Variants in ASAH2B observed in about 807,000 individuals in gnomAD.
ASAH2B encodes the protein putative inactive neutral ceramidase B.
In ASAH2B, 1 loss-of-function variant was observed where a neutral mutation model predicts 2.9. The ratio of observed to expected loss-of-function variants is 0.34; its 90% CI spans 0.12 to 1.63. The LOEUF (loss-of-function observed/expected upper bound fraction) is 1.63, where lower values mean the gene tolerates loss of function less well. Ranked by LOEUF, ASAH2B falls within the 40% of genes most tolerant of loss-of-function variation. ASAH2B has a pLI of 0.36. For synonymous variants in ASAH2B, 4 were observed against 13.3 expected (o/e 0.30, Z 1.52); for missense variants, 9 against 37.7 (o/e 0.24, Z 1.99).
In ASAH2B at chr10:50,743,439, A is replaced by G. The variant is rs2820744; in HGVS notation, c.-4+429A>G. 0.03 allele frequency among the ~76,000 whole-genome samples: 4,488 copies of G among 149,080 alleles called. 308 individuals are homozygous for G. In the East Asian group the frequency reaches 0.32, roughly 11 times the overall value. On this transcript the variant is annotated intron_variant, in intron 2 of 5. Coordinates refer to ENST00000647317, the MANE Select transcript of ASAH2B (RefSeq NM_001321958.2). ...AAAAGTTGAGTAGGTCAGCATTCTA[A>G]GATGCCCATTTTCCACATTATAATA... is the stretch of plus-strand genomic sequence containing the variant.
At chr10:50,754,065 C>T (rs1837028569) in intron 5 of ASAH2B, among the ~76,000 whole-genome samples, 2 of 145,264 alleles carry the variant, frequency 1.4e-5, no homozygotes, top group African/African-American at 5.2e-5. Flanking sequence ...GGGACCATAT[C>T]TATCTTGCTC....
At chr10:50,748,063 A>G (rs1588931568) in intron 3 of ASAH2B, among the ~76,000 whole-genome samples, 2 of 150,852 alleles carry the variant, frequency 1.3e-5, no homozygotes, top group East Asian at 2.0e-4. Context: ...TTTACTTGTT[A>G]TATGCCCATT....
At chr10:50,751,553 G>T in intron 4 of ASAH2B, among the ~76,000 whole-genome samples, 1 of 151,218 alleles carries the variant, frequency 6.6e-6, no homozygotes, top group Non-Finnish European at 1.5e-5. Context: ...CTCTTTACAG[G>T]TTCCTATGGT....
intron 1 of ASAH2B, among the ~76,000 whole-genome samples, chr10:50,742,128 A>AT (rs1327541292): frequency 6.6e-6 from 1 of 152,230 alleles, no homozygotes; most frequent in Non-Finnish European, 1.5e-5. Context: ...TAATACAAAT[A>AT]TAAAAAAAAA....
At chr10:50,740,869 G>A (rs1839820218) in intron 1 of ASAH2B, among the ~76,000 whole-genome samples, 1 of 152,168 alleles carries the variant, frequency 6.6e-6, no homozygotes, top group African/African-American at 2.4e-5. Context: ...GCATCATTTA[G>A]AACCAGTCAT....
intron 3 of ASAH2B, among the ~76,000 whole-genome samples, chr10:50,745,549 CA>C (rs1839893539): frequency 8.0e-6 from 1 of 125,494 alleles, no homozygotes; most frequent in Non-Finnish European, 1.7e-5. Flanking sequence ...TCTCTTAAGT[CA>C]AGGATAGGAA....
chr10:50,747,563 G>A (rs1839926540), intron 3 of ASAH2B, among the ~76,000 whole-genome samples: 1 of 151,328 alleles, frequency 6.6e-6, no homozygotes, highest in Non-Finnish European at 1.5e-5. Context: ...TTTTCTTTAG[G>A]ATTTTTTGTA....
rs1391602168 is a variant in ASAH2B at position 50,757,409 on chromosome 10, T to C, written c.*2669T>C. 6.6e-6 allele frequency: 1 copy of C among 151,762 alleles called. No homozygotes were observed. Among genetic ancestry groups the C allele is most frequent in the Non-Finnish European group, 1.5e-5 (1 of 67,784 alleles). The allele number at this position is 151,762 out of a possible 1,614,324, so 9.4% of individuals were successfully genotyped here. On this transcript the variant is annotated 3_prime_UTR_variant, in exon 6 of 6. Transcript: ENST00000647317. The stretch of plus-strand genomic sequence containing the variant: ...ATGTATGGTTGGCATTTCTTTTATT[T>C]TCTTTCTCTTTTTTACTAGTTGGGC...
At chr10:50,741,627 G>A (rs1839832565) in intron 1 of ASAH2B, among the ~76,000 whole-genome samples, 1 of 152,126 alleles carries the variant, frequency 6.6e-6, no homozygotes, top group Non-Finnish European at 1.5e-5. Context: ...TATATGCAAA[G>A]GTCCAGAGGG....
intron 1 of ASAH2B, among the ~76,000 whole-genome samples, chr10:50,741,899 G>A (rs1839836134): frequency 1.3e-5 from 2 of 152,136 alleles, no homozygotes; most frequent in Non-Finnish European, 2.9e-5. Flanking sequence ...AAGGGCTTGT[G>A]TATAGGCAGA....
In ASAH2B at chr10:50,754,602, G is replaced by T. The variant is rs1164601818; in HGVS notation, c.345G>T (p.Trp115Cys). Residue 115 changes from tryptophan (W) to cysteine (C), a missense_variant, in exon 6 of 6, where the codon TGG (tryptophan) becomes TGT (cysteine). By Grantham distance (215) the Trp-to-Cys change is radical. Transcript: ENST00000647317. ...LLGLSNATVE[W>C]HIPDTAQPGI... ...GTCTGAGTAATGCAACAGTGGAATG[G>T]CATATTCCAGACACTGCCCAGCCTG... 3.0e-6 allele frequency: 1 copy of T among 335,818 alleles called. No homozygotes were observed. The highest frequency in any genetic ancestry group is 6.8e-5 in the African/African-American group (1 of 14,658). 20.8% of individuals were successfully genotyped at this position (335,818 alleles called of 1,614,324 possible). A position where few individuals can be genotyped will look rare whatever the true frequency, so the allele number is the denominator to read the frequency against.
chr10:50,741,714 C>T (rs1272969463), intron 1 of ASAH2B, among the ~76,000 whole-genome samples: 1 of 151,992 alleles, frequency 6.6e-6, no homozygotes, highest in East Asian at 1.9e-4. Context: ...GAGATGGTAG[C>T]CAGAGTGGGA....
At chr10:50,741,001 C>G (rs760897279) in intron 1 of ASAH2B, among the ~76,000 whole-genome samples, 1 of 152,162 alleles carries the variant, frequency 6.6e-6, no homozygotes, top group Non-Finnish European at 1.5e-5. Context: ...TTCATAAAAA[C>G]GTTTTAAATT....
At chr10:50,742,042 T>C (rs1187896050) in intron 1 of ASAH2B, among the ~76,000 whole-genome samples, 2 of 152,156 alleles carry the variant, frequency 1.3e-5, no homozygotes, top group Admixed American at 1.3e-4. Flanking sequence ...ACCTGGATGA[T>C]GAAATAATCT....
rs545083205 is a variant in ASAH2B, at chr10:50,756,975, T to C, written c.*2235T>C. 2 of 151,808 alleles carry C rather than the reference T, an allele frequency of 1.3e-5. No homozygotes were observed. Among genetic ancestry groups the C allele is most frequent in the Admixed American group, 6.6e-5 (1 of 15,216 alleles). The allele number at this position is 151,808 out of a possible 1,614,324, so 9.4% of individuals were successfully genotyped here. Reference sequence around the variant, plus strand: ...AGTGGAATATGGCAGATTGGGTAGGTAGGAGAACAATTTTGGAGATTTTGT... The same window carrying C: ...AGTGGAATATGGCAGATTGGGTAGGCAGGAGAACAATTTTGGAGATTTTGT... On this transcript the variant is annotated 3_prime_UTR_variant, in exon 6 of 6. Coordinates refer to ENST00000647317, the MANE Select transcript of ASAH2B (RefSeq NM_001321958.2).
intron 1 of ASAH2B, among the ~76,000 whole-genome samples, chr10:50,742,065 C>G (rs2132718336): frequency 6.6e-6 from 1 of 152,236 alleles, no homozygotes; most frequent in South Asian, 2.1e-4. Context: ...ATAACCAACC[C>G]TCATGACATG....
chr10:50,748,463 T>A (rs1287485380), intron 3 of ASAH2B, among the ~76,000 whole-genome samples: 1 of 149,360 alleles, frequency 6.7e-6, no homozygotes, highest in African/African-American at 2.5e-5. Flanking sequence ...TCTTTTGAAT[T>A]ATGAGGTTTT....
chr10:50,742,938 G>T lies in ASAH2B; in HGVS notation c.-76G>T, dbSNP rs551101710. The T allele has an allele frequency of 6.2e-7, 1 of 1,613,968 alleles. No homozygotes were observed. Among genetic ancestry groups the T allele is most frequent in the African/African-American group, 1.3e-5 (1 of 75,008 alleles). ...AGGCTCAGCGATATGAGGCAGCATCGACAATTTATGGACCGCACGCATTAT... is the reference window on the plus strand; with the variant it reads ...AGGCTCAGCGATATGAGGCAGCATCTACAATTTATGGACCGCACGCATTAT... On this transcript the variant is annotated 5_prime_UTR_variant, in exon 2 of 6. Coordinates refer to ENST00000647317, the MANE Select transcript of ASAH2B (RefSeq NM_001321958.2).
rs1000319728 is a variant in ASAH2B, at chr10:50,756,137, A to G, written c.*1397A>G. 1.3e-5 allele frequency: 2 copies of G among 149,346 alleles called. No homozygotes were observed. The highest frequency in any genetic ancestry group is 4.8e-5 in the African/African-American group (2 of 41,302). 9.3% of individuals were successfully genotyped at this position (149,346 alleles called of 1,614,324 possible). Reference sequence around the variant, plus strand: ...TCCAAACCCCAGGTCATACTTTTGTATGTATGTAAAAGCTTTAGCATTTTA... The same window carrying G: ...TCCAAACCCCAGGTCATACTTTTGTGTGTATGTAAAAGCTTTAGCATTTTA... On this transcript the variant is annotated 3_prime_UTR_variant, in exon 6 of 6. Coordinates refer to ENST00000647317, the MANE Select transcript of ASAH2B (RefSeq NM_001321958.2).
Sources: gnomAD v4.1 joint callset for allele counts (sites outside exome capture counted in the v4.1 genomes callset) on GRCh38, gnomAD v4.1.1 for gene constraint, MANE v1.5 for transcripts, NCBI Gene and HGNC (gene_info 2026-07-23, HGNC 2026-07-21) for gene names.